The following MAD1L1 variants were observed in gnomAD, a reference collection of about 807,000 sequenced individuals.
MAD1L1 encodes mitotic spindle assembly checkpoint protein MAD1.
Under a neutral mutation model 96.9 loss-of-function variants are expected in MAD1L1, and 95 were observed. The observed-to-expected ratio is 0.98, with a 90% CI of 0.83 to 1.16. The LOEUF is 1.16. Ranked by LOEUF, MAD1L1 falls within the 50% of genes most tolerant of loss-of-function variation. The pLI is 0.00. For synonymous variants in MAD1L1, 473 were observed against 396.6 expected, an observed-to-expected ratio of 1.19 and a Z score of -2.29; for missense variants, 1,007 against 954.4, an observed-to-expected ratio of 1.06 and a Z score of -0.73.
intron 17 of MAD1L1, among the ~76,000 whole-genome samples, chr7:1,913,707 G>A (rs890311996): frequency 6.6e-6 from 1 of 152,122 alleles, no homozygotes; most frequent in African/African-American, 2.4e-5. Context: ...CTCTCCCCCA[G>A]GACAAAGCTG....
At chr7:2,098,260 C>T (rs1363561940) in intron 11 of MAD1L1, among the ~76,000 whole-genome samples, 1 of 152,192 alleles carries the variant, frequency 6.6e-6, no homozygotes, top group Admixed American at 6.5e-5. Context: ...CACCAGAGCG[C>T]CAGTCACACA....
At chr7:1,915,208 AATGG>A (rs993776268) in intron 17 of MAD1L1, among the ~76,000 whole-genome samples, 3 of 152,150 alleles carry the variant, frequency 2.0e-5, no homozygotes, top group Admixed American at 2.0e-4. Flanking sequence ...CCCCTGCCCT[AATGG>A]ATGTTGCTTT....
chr7:1,841,674 C>T (rs116402654), intron 18 of MAD1L1, among the ~76,000 whole-genome samples: 126 of 152,342 alleles, frequency 8.3e-4, no homozygotes, highest in East Asian at 4.6e-3. Flanking sequence ...GGGGCCAGTC[C>T]GGCCTTCCCG....
chr7:2,063,261 G>T lies in MAD1L1; in HGVS notation c.1218+5933C>A, dbSNP rs554372633. On this transcript the variant is annotated intron_variant, in intron 12 of 18. Transcript: ENST00000265854. ...TGGGACCTCACTGCGCCAAAATCTT[G>T]CTCTCTGATCCAAGAGTGGGCAGAG... Among the ~76,000 whole-genome samples the T allele has an allele frequency of 1.9e-4, 29 of 152,342 alleles. No homozygotes were observed. The South Asian group carries it at 5.4e-3, about 28-fold the overall frequency.
chr7:2,100,501 C>T (rs545882485), intron 11 of MAD1L1, among the ~76,000 whole-genome samples: 7 of 152,274 alleles, frequency 4.6e-5, no homozygotes, highest in Non-Finnish European at 7.3e-5. Context: ...CCCACCTGCC[C>T]ACCCGGCGCG....
chr7:2,102,888 G>A (rs1786888318), intron 11 of MAD1L1, among the ~76,000 whole-genome samples: 1 of 152,198 alleles, frequency 6.6e-6, no homozygotes, highest in Non-Finnish European at 1.5e-5. Context: ...AATGCCCAGA[G>A]ATGGCGTCTT....
intron 17 of MAD1L1, among the ~76,000 whole-genome samples, chr7:1,927,132 C>T: frequency 6.6e-6 from 1 of 152,116 alleles, no homozygotes; most frequent in Non-Finnish European, 1.5e-5. Flanking sequence ...TTACATAGCT[C>T]CAACACTAAC....
At chr7:2,059,855 A>G (rs2035382873) in intron 12 of MAD1L1, among the ~76,000 whole-genome samples, 2 of 152,268 alleles carry the variant, frequency 1.3e-5, no homozygotes, top group South Asian at 4.1e-4. Context: ...AGGAACACAT[A>G]CATAGAAGAT....
At chr7:2,093,110 T>C (rs1203750289) in intron 11 of MAD1L1, among the ~76,000 whole-genome samples, 1 of 151,226 alleles carries the variant, frequency 6.6e-6, no homozygotes, top group Admixed American at 6.6e-5. Flanking sequence ...CTGGGGATGG[T>C]GGCACAAACC....
At chr7:2,096,802 C>A (rs1254579647) in intron 11 of MAD1L1, among the ~76,000 whole-genome samples, 1 of 152,144 alleles carries the variant, frequency 6.6e-6, no homozygotes, top group Non-Finnish European at 1.5e-5. Flanking sequence ...CACCACCCCG[C>A]CCAGCAGAGG....
intron 17 of MAD1L1, among the ~76,000 whole-genome samples, chr7:1,902,879 C>G (rs1787340528): frequency 6.6e-6 from 1 of 150,700 alleles, no homozygotes; most frequent in Non-Finnish European, 1.5e-5. Context: ...ATTGATGAAG[C>G]ACTGTTCCAG....
At chr7:1,901,750 C>T (rs1431691776) in intron 17 of MAD1L1, among the ~76,000 whole-genome samples, 1 of 152,170 alleles carries the variant, frequency 6.6e-6, no homozygotes, top group South Asian at 2.1e-4. Flanking sequence ...CGTAGGGAGG[C>T]CTTGAGCCCA....
intron 11 of MAD1L1, among the ~76,000 whole-genome samples, chr7:2,073,554 G>A (rs1369459641): frequency 2.6e-5 from 4 of 152,176 alleles, no homozygotes; most frequent in Non-Finnish European, 5.9e-5. Context: ...CTGGCTCCCC[G>A]AATACGCCTG....
Position 1,916,917 on chromosome 7 carries a change from C to T in MAD1L1, c.1808-18527G>A, listed in dbSNP as rs116010302. On this transcript the variant is annotated intron_variant, in intron 17 of 18. Transcript: ENST00000265854. ...GGCACCCCCATTCACCTACGAGGCA[C>T]GACCCTGGCACATCTCCCATGCCAA... Among the ~76,000 whole-genome samples, 1,234 of 152,270 alleles carry T rather than the reference C, an allele frequency of 8.1e-3. 13 individuals carry two copies. Among genetic ancestry groups the T allele is most frequent in the African/African-American group, 0.028 (1,175 of 41,536 alleles).
rs78612949 is a variant in MAD1L1 at position 2,127,437 on chromosome 7, G to A, written c.1073+21715C>T. On this transcript the variant is annotated intron_variant, in intron 11 of 18. Coordinates refer to ENST00000265854, the MANE Select transcript of MAD1L1 (RefSeq NM_001013836.2). ...AGAGGGGATTCTCCTGAGGGCAATG[G>A]ACACACAGCCTCTTGGGAAGCTGCT... Among the ~76,000 whole-genome samples, 15 of 152,314 alleles carry A rather than the reference G, an allele frequency of 9.8e-5. No homozygotes were observed. In the East Asian group the frequency reaches 2.9e-3, roughly 29 times the overall value.
intron 18 of MAD1L1, among the ~76,000 whole-genome samples, chr7:1,820,938 G>T (rs562957912): frequency 6.6e-6 from 1 of 151,790 alleles, no homozygotes. Context: ...AAAATTAGCC[G>T]GGTGTGGTGG....
At chr7:2,148,160 G>C (rs1004710666) in intron 11 of MAD1L1, among the ~76,000 whole-genome samples, 2 of 152,234 alleles carry the variant, frequency 1.3e-5, no homozygotes, top group African/African-American at 4.8e-5. Flanking sequence ...AATTTTCAAA[G>C]TGACATCAGC....
intron 17 of MAD1L1, among the ~76,000 whole-genome samples, chr7:1,919,190 A>G (rs976551706): frequency 6.6e-6 from 1 of 152,240 alleles, no homozygotes; most frequent in African/African-American, 2.4e-5. Context: ...CGTTTCTCAA[A>G]TGGGGAAGCT....
chr7:1,823,200 G>A (rs1782219487), intron 18 of MAD1L1, among the ~76,000 whole-genome samples: 1 of 151,878 alleles, frequency 6.6e-6, no homozygotes, highest in Non-Finnish European at 1.5e-5. Context: ...CGGAGGAGCT[G>A]GACACACTTA....
Sources: gnomAD v4.1 joint callset for allele counts (sites outside exome capture counted in the v4.1 genomes callset) on GRCh38, gnomAD v4.1.1 for gene constraint, MANE v1.5 for transcripts, NCBI Gene and HGNC (gene_info 2026-07-23, HGNC 2026-07-21) for gene names.